STS: variants seen among roughly 807,000 people sequenced by gnomAD.
STS encodes the protein steryl-sulfatase.
STS carries 7 observed loss-of-function variants against 26.8 expected under a neutral mutation model. The observed-to-expected ratio is 0.26, with a 90% CI of 0.15 to 0.49. The LOEUF is 0.49. Ranked by LOEUF, STS falls within the 20% of genes least tolerant of loss-of-function variation. The pLI is 0.98. For synonymous variants in STS, 199 were observed against 189.4 expected (o/e 1.05, Z -0.42); for missense variants, 434 against 465.6 (o/e 0.93, Z 0.63).
intron 8 of STS, among the ~76,000 whole-genome samples, chrX:7,320,484 G>A (rs1399265595): frequency 3.6e-5 from 4 of 111,112 alleles, no homozygotes; most frequent in African/African-American, 6.5e-5. Flanking sequence ...AAAACAAGGG[G>A]GCAATATGTG....
chrX:7,299,387 TTATA>T (rs1273178352), intron 7 of STS, among the ~76,000 whole-genome samples: 307 of 100,926 alleles, frequency 3.0e-3, no homozygotes, highest in Non-Finnish European at 4.7e-3. Flanking sequence ...CTATATAAAT[TTATA>T]TAATATACGT....
At chrX:7,310,224 CT>C (rs1926414972) in intron 8 of STS, among the ~76,000 whole-genome samples, 1 of 112,100 alleles carries the variant, frequency 8.9e-6, no homozygotes, top group Non-Finnish European at 1.9e-5. Flanking sequence ...CCCTTTGTAG[CT>C]GTTAAATGTA....
At chrX:7,329,878 G>A (rs185671840) in intron 9 of STS, among the ~76,000 whole-genome samples, 17 of 111,757 alleles carry the variant, frequency 1.5e-4, no homozygotes, top group African/African-American at 5.2e-4. Context: ...AAGGTAGTCC[G>A]GAGGAACACA....
intron 6 of STS, among the ~76,000 whole-genome samples, chrX:7,264,747 A>G (rs1174122486): frequency 8.9e-6 from 1 of 111,967 alleles, no homozygotes; most frequent in Non-Finnish European, 1.9e-5. Flanking sequence ...TGGGTGTTTC[A>G]TAGGACACTC....
chrX:7,173,481 G>A lies in STS; in HGVS notation c.-133-17399G>A, dbSNP rs767010872. On this transcript the variant is annotated intron_variant, in intron 1 of 10. Coordinates refer to ENST00000674429, the MANE Select transcript of STS (RefSeq NM_001320752.2). ...AATAATGGGATTGCTGGGTCAAATG[G>A]TATTTCTGGTTCTAAATCTTTGAGG... Among the ~76,000 whole-genome samples, 67 of 111,827 alleles carry A rather than the reference G, an allele frequency of 6.0e-4. 1 individual carries two copies. Among genetic ancestry groups the A allele is most frequent in the African/African-American group, 2.1e-3 (66 of 30,781 alleles).
At chrX:7,319,243 A>G (rs1926850025) in intron 8 of STS, among the ~76,000 whole-genome samples, 1 of 110,438 alleles carries the variant, frequency 9.1e-6, no homozygotes, top group Non-Finnish European at 1.9e-5. Flanking sequence ...TGCAGCCTCA[A>G]ACTCCCAGTT....
At chrX:7,247,580 A>G (rs1298275148) in intron 2 of STS, among the ~76,000 whole-genome samples, 8 of 112,321 alleles carry the variant, frequency 7.1e-5, no homozygotes, top group Non-Finnish European at 1.3e-4. Flanking sequence ...TGTAGTTGAC[A>G]GTGACTTCTC....
chrX:7,162,882 TAAA>T (rs758518020), intron 1 of STS, among the ~76,000 whole-genome samples: 1 of 49,765 alleles, frequency 2.0e-5, no homozygotes, highest in Non-Finnish European at 3.6e-5. Flanking sequence ...CCGTCTATAC[TAAA>T]AAAAAAAAAA....
At chrX:7,206,052 G>C (rs182230871) in intron 2 of STS, among the ~76,000 whole-genome samples, 50 of 111,618 alleles carry the variant, frequency 4.5e-4, no homozygotes, top group African/African-American at 1.5e-3. Flanking sequence ...ATTTTGTCTT[G>C]GTCCTCTGTA....
chrX:7,346,688 A>T (rs1928543342), intron 10 of STS, among the ~76,000 whole-genome samples: 1 of 112,308 alleles, frequency 8.9e-6, no homozygotes, highest in Non-Finnish European at 1.9e-5. Context: ...TTAAAAATTT[A>T]ACATTTTTCT....
chrX:7,300,144 G>A (rs1205277692), intron 7 of STS, among the ~76,000 whole-genome samples: 2 of 111,995 alleles, frequency 1.8e-5, no homozygotes, highest in African/African-American at 6.5e-5. Context: ...CTTTGGGACT[G>A]CAAAAGGTCT....
intron 3 of STS, among the ~76,000 whole-genome samples, chrX:7,254,235 G>A (rs1923287418): frequency 8.9e-6 from 1 of 112,076 alleles, no homozygotes; most frequent in South Asian, 3.7e-4. Flanking sequence ...CAAAACAGTG[G>A]CAACAAGGCA....
At chrX:7,332,772 C>A (rs1173878973) in intron 9 of STS, among the ~76,000 whole-genome samples, 2 of 111,919 alleles carry the variant, frequency 1.8e-5, no homozygotes, top group East Asian at 5.6e-4. Flanking sequence ...TCAGGGCACA[C>A]GCTGTGTCTC....
intron 9 of STS, among the ~76,000 whole-genome samples, chrX:7,331,043 A>G (rs1231495934): frequency 1.8e-5 from 2 of 110,797 alleles, no homozygotes; most frequent in Admixed American, 1.9e-4. Flanking sequence ...TACCTTCTGT[A>G]TCACCCCAAA....
chrX:7,334,035 C>T lies in STS; in HGVS notation c.1291C>T (p.Arg431Cys), dbSNP rs766488360. ...GCCCCTGCTTGAAGGAAAAAGCCAA[C>T]GCTCCGATCATGAGTTTCTCTTCCA... The part of the protein sequence containing the change: ...LMPLLEGKSQ[R>C]SDHEFLFHYC... The change falls in exon 10 of 11, where the codon CGC becomes TGC. Residue 431 changes from arginine to cysteine, a missense_variant. Arg to Cys is a radical substitution (Grantham distance 180). Around this residue, in one of 2 missense-constraint regions of STS, gnomAD observed 205 missense variants for 177.3 expected, o/e 1.16. Transcript: ENST00000674429. 2.6e-5 allele frequency: 32 copies of T among 1,209,562 alleles called. No individual in the cohort carries two copies. The highest frequency in any genetic ancestry group is 2.6e-4 in the African/African-American group (15 of 57,122).
At chrX:7,193,354 T>C (rs1933912604) in intron 2 of STS, among the ~76,000 whole-genome samples, 1 of 112,253 alleles carries the variant, frequency 8.9e-6, no homozygotes, top group Non-Finnish European at 1.9e-5. Flanking sequence ...TCAAAGTCTT[T>C]AGCACCAGCT....
chrX:7,267,201 AT>A (rs1161602899), intron 6 of STS, among the ~76,000 whole-genome samples: 1 of 112,128 alleles, frequency 8.9e-6, no homozygotes, highest in Non-Finnish European at 1.9e-5. Context: ...AGATTAGGGC[AT>A]TGTATGAGTG....
chrX:7,349,275 A>G (rs1406267187), intron 10 of STS, among the ~76,000 whole-genome samples: 5 of 78,495 alleles, frequency 6.4e-5, no homozygotes, highest in Non-Finnish European at 1.1e-4. Context: ...AAGTGCTGAT[A>G]TTACAAGCAT....
At chrX:7,258,104 A>G (rs1340205911) in intron 5 of STS, among the ~76,000 whole-genome samples, 1 of 55,015 alleles carries the variant, frequency 1.8e-5, no homozygotes, top group Non-Finnish European at 3.6e-5. Context: ...AGAAAAACAG[A>G]CATAGATAGA....
Sources: gnomAD v4.1 joint callset for allele counts (sites outside exome capture counted in the v4.1 genomes callset) on GRCh38, gnomAD v4.1.1 for gene constraint, gnomAD v4.1.1 regional missense constraint, MANE v1.5 for transcripts, NCBI Gene and HGNC (gene_info 2026-07-23, HGNC 2026-07-21) for gene names.